INO80: variants seen among roughly 807,000 people sequenced by gnomAD.
The protein encoded by INO80 is INO80 complex ATPase subunit.
Under a neutral mutation model 203.4 loss-of-function variants are expected in INO80, and 20 were observed. That is an observed-to-expected ratio of 0.10 (90% CI 0.07 to 0.14). INO80 has a LOEUF of 0.14. Ranked by LOEUF, INO80 falls within the 10% of genes least tolerant of loss-of-function variation. The pLI is 1.00. For missense variants in INO80, 1,419 were observed against 1,914.4 expected, an observed-to-expected ratio of 0.74 and a Z score of 4.83; for synonymous variants, 726 against 685.2, an observed-to-expected ratio of 1.06 and a Z score of -0.93.
At chr15:41,074,289 A>T (rs1253235266) in intron 10 of INO80, 81 bp downstream of exon 10, 4 of 1,003,422 alleles carry the variant, frequency 4.0e-6, no homozygotes, top group Non-Finnish European at 5.7e-6. Context: ...TCAATAAAAA[A>T]TTCGCAAAAA....
At chr15:41,106,205 G>A (rs142761011) in intron 1 of INO80, among the ~76,000 whole-genome samples, 123 of 152,052 alleles carry the variant, frequency 8.1e-4, no homozygotes, top group African/African-American at 2.9e-3. Flanking sequence ...GCAACATAGC[G>A]AAATCCTGTC....
intron 7 of INO80, among the ~76,000 whole-genome samples, chr15:41,083,899 T>G (rs1260191890): frequency 6.6e-6 from 1 of 152,166 alleles, no homozygotes; most frequent in African/African-American, 2.4e-5. Flanking sequence ...TGCCTATTCA[T>G]GTGCCAGTAC....
chr15:41,079,496 G>C (rs113740791), intron 9 of INO80, among the ~76,000 whole-genome samples: 39 of 150,860 alleles, frequency 2.6e-4, no homozygotes, highest in African/African-American at 9.5e-4. Flanking sequence ...CTGACGGTAG[G>C]AGATCAAGGC....
Position 41,029,608 on chromosome 15 carries a change from A to G in INO80, c.2908-1872T>C, listed in dbSNP as rs3850772. ...TGTCATTACCCAAAGAAGAATTTTA[A>G]CATTCTGACAGCTTTTCAATAACAT... On this transcript the variant is annotated intron_variant, in intron 24 of 35. Coordinates refer to ENST00000648947, the MANE Select transcript of INO80 (RefSeq NM_017553.3). Among the ~76,000 whole-genome samples the G allele has an allele frequency of 1.3e-3, 200 of 152,296 alleles. 6 individuals are homozygous for G. The South Asian group carries it at 0.027, about 21-fold the overall frequency.
chr15:41,070,445 T>G (rs757461936), intron 13 of INO80, 22 bp downstream of exon 13: 5 of 1,594,500 alleles, frequency 3.1e-6, no homozygotes, highest in African/African-American at 1.3e-5. Context: ...GAAATGAAGA[T>G]AGAAAGATTG....
At position 41,015,385 on chromosome 15, in the gene INO80, G is replaced by GA. The variant is rs578189228; in HGVS notation, c.3402+702dup. ...TGATTGCGATATGTAGTCAAGTTGA[G>GA]AATCACTATATTAACTCAGGTTGAA... On this transcript the variant is annotated intron_variant, in intron 27 of 35. Coordinates refer to ENST00000648947, the MANE Select transcript of INO80 (RefSeq NM_017553.3). Among the ~76,000 whole-genome samples the GA allele has an allele frequency of 7.2e-4, 110 of 152,250 alleles. 2 individuals are homozygous for GA. The South Asian group carries it at 0.023, about 31-fold the overall frequency.
intron 17 of INO80, 73 bp from the exon 18 acceptor site, chr15:41,055,437 G>A: frequency 2.1e-6 from 2 of 933,466 alleles, no homozygotes; most frequent in African/African-American, 1.6e-5. Context: ...ATTAGATAGA[G>A]AAAATTGCAG....
chr15:41,070,612 C>A, intron 12 of INO80, 65 bp from the exon 13 acceptor site: 1 of 1,309,564 alleles, frequency 7.6e-7, no homozygotes. Context: ...AACCTGTTAC[C>A]AAAAAGAACG....
intron 24 of INO80, among the ~76,000 whole-genome samples, chr15:41,040,722 A>G (rs1205933149): frequency 6.6e-6 from 1 of 152,000 alleles, no homozygotes. Flanking sequence ...CCTAATCCTG[A>G]GCTACGACTG....
rs747417318 is a variant in INO80 at position 41,005,577 on chromosome 15, T to C, written c.3497+16A>G. Reference sequence around the variant, plus strand: ...GAAATTAAAAAGATAATTTTTGTAATTCCCATGAACATTACCTGTTCTGAA... The same window carrying C: ...GAAATTAAAAAGATAATTTTTGTAACTCCCATGAACATTACCTGTTCTGAA... On this transcript the variant is annotated intron_variant, in intron 28 of 35. Transcript: ENST00000648947. 2.8e-6 allele frequency: 4 copies of C among 1,407,938 alleles called. No homozygotes were observed. The African/African-American group carries it at 5.8e-5, about 20-fold the overall frequency. The allele number at this position is 1,407,938 out of a possible 1,614,324, so 87.2% of individuals were successfully genotyped here. A position where few individuals can be genotyped will look rare whatever the true frequency, so the allele number is the denominator to read the frequency against.
intron 16 of INO80, 85 bp from the exon 17 acceptor site, chr15:41,056,791 G>T: frequency 1.8e-6 from 2 of 1,089,310 alleles, no homozygotes; most frequent in Non-Finnish European, 2.8e-6. Context: ...TGACAAAAAT[G>T]CCTTCCAAAA....
At chr15:41,112,785 TC>T (rs1380552440) in intron 1 of INO80, among the ~76,000 whole-genome samples, 7 of 21,930 alleles carry the variant, frequency 3.2e-4, no homozygotes, top group African/African-American at 9.4e-4. Flanking sequence ...AGACTCCATC[TC>T]AAAAAAAAAA....
At chr15:40,991,745 TGA>T (rs1400148404) in intron 29 of INO80, among the ~76,000 whole-genome samples, 1 of 151,606 alleles carries the variant, frequency 6.6e-6, no homozygotes, top group Non-Finnish European at 1.5e-5. Context: ...TTTCAGGGGA[TGA>T]GAGAATGAGA....
intron 19 of INO80, among the ~76,000 whole-genome samples, chr15:41,052,737 C>A (rs1445777208): frequency 6.8e-6 from 1 of 146,812 alleles, no homozygotes; most frequent in Non-Finnish European, 1.5e-5. Flanking sequence ...TTAAAAGATA[C>A]TAAGAGGTCG....
intron 14 of INO80, among the ~76,000 whole-genome samples, chr15:41,069,328 G>C (rs890886544): frequency 2.0e-5 from 3 of 151,006 alleles, no homozygotes; most frequent in Non-Finnish European, 4.4e-5. Flanking sequence ...CACCATGCCC[G>C]GCTAATTTTT....
intron 24 of INO80, among the ~76,000 whole-genome samples, chr15:41,034,124 G>GT (rs2044534149): frequency 6.6e-6 from 1 of 152,120 alleles, no homozygotes. Flanking sequence ...ACCGATCTGT[G>GT]TCCTTAGCCT....
Position 40,990,527 on chromosome 15 carries a change from A to G in INO80, c.3571-2553T>C, listed in dbSNP as rs190551095. Among the ~76,000 whole-genome samples the G allele has an allele frequency of 1.4e-3, 215 of 152,308 alleles. 1 individual carries two copies. Among genetic ancestry groups the G allele is most frequent in the Middle Eastern group, 3.4e-3 (1 of 294 alleles). The stretch of plus-strand genomic sequence containing the variant: ...AGGTATGAGCCACTGCACCTGGCCA[A>G]AATGGTTTCCCTCCATTTTTAGCAC... On this transcript the variant is annotated intron_variant, in intron 29 of 35. Coordinates refer to ENST00000648947, the MANE Select transcript of INO80 (RefSeq NM_017553.3).
At chr15:41,104,963 T>C (rs1372682169) in intron 1 of INO80, among the ~76,000 whole-genome samples, 5 of 152,194 alleles carry the variant, frequency 3.3e-5, no homozygotes, top group Admixed American at 2.0e-4. Context: ...CCAGTGTGGG[T>C]AGTAACAGAC....
intron 24 of INO80, among the ~76,000 whole-genome samples, chr15:41,035,454 A>C (rs752221358): frequency 1.3e-5 from 2 of 151,640 alleles, no homozygotes; most frequent in East Asian, 3.9e-4. Flanking sequence ...TGAGCCCCAA[A>C]GGTGGAGGTT....
Sources: allele counts gnomAD v4.1 joint callset (sites outside exome capture counted in the v4.1 genomes callset), GRCh38; gene constraint gnomAD v4.1.1; transcripts MANE v1.5; gene names NCBI Gene and HGNC (gene_info 2026-07-23, HGNC 2026-07-21).